The following SRGAP3 variants were observed in gnomAD, a reference collection of about 807,000 sequenced individuals.
SRGAP3 encodes SLIT-ROBO Rho GTPase-activating protein 3.
A neutral mutation model predicts 121.1 loss-of-function variants in SRGAP3; 39 were observed. The observed-to-expected ratio is 0.32, with a 90% CI of 0.25 to 0.42. SRGAP3 has a LOEUF of 0.42. Ranked by LOEUF, SRGAP3 falls within the 10% of genes least tolerant of loss-of-function variation. The pLI is 1.00. For synonymous variants in SRGAP3, 601 were observed against 570.0 expected (o/e 1.05, Z -0.77); for missense variants, 1,213 against 1,470.6 (o/e 0.82, Z 2.86).
intron 1 of SRGAP3, among the ~76,000 whole-genome samples, chr3:9,140,556 T>C (rs2125030503): frequency 6.6e-6 from 1 of 152,338 alleles, no homozygotes; most frequent in East Asian, 1.9e-4. Context: ...AGCAGACTTT[T>C]TCCACAAGGG....
At chr3:9,046,281 A>G (rs911582203) in intron 10 of SRGAP3, among the ~76,000 whole-genome samples, 5 of 152,214 alleles carry the variant, frequency 3.3e-5, no homozygotes, top group Non-Finnish European at 7.3e-5. Context: ...ATCAGAGTAG[A>G]GTGTGGGGTG....
At chr3:9,242,583 C>G (rs543382694) in intron 1 of SRGAP3, among the ~76,000 whole-genome samples, 1 of 152,228 alleles carries the variant, frequency 6.6e-6, no homozygotes, top group Non-Finnish European at 1.5e-5. Context: ...TGCAGTGAGC[C>G]AAGATCGTGC....
At chr3:9,115,045 A>G (rs1183332736) in intron 2 of SRGAP3, among the ~76,000 whole-genome samples, 1 of 152,242 alleles carries the variant, frequency 6.6e-6, no homozygotes, top group Non-Finnish European at 1.5e-5. Context: ...GGTAAGTGGC[A>G]GACTAGCATT....
Position 9,124,775 on chromosome 3 carries a change from C to T in SRGAP3, c.210G>A (p.Leu70=). The change falls in exon 2 of 22, where the codon CTG becomes CTA. Residue 70 remains leucine (L), a synonymous_variant. Coordinates refer to ENST00000383836, the MANE Select transcript of SRGAP3 (RefSeq NM_014850.4). ...ELEYSRSLEK[L]AERFSSKIRS... ...GGATTTTGGAGGAGAAGCGCTCAGCCAGCTTCTCCAGGCTGCGGGAGTACT... is the reference window on the plus strand; with the variant it reads ...GGATTTTGGAGGAGAAGCGCTCAGCTAGCTTCTCCAGGCTGCGGGAGTACT... 6.2e-7 allele frequency: 1 copy of T among 1,614,224 alleles called. No individual in the cohort carries two copies. Among genetic ancestry groups the T allele is most frequent in the Non-Finnish European group, 8.5e-7 (1 of 1,180,060 alleles).
intron 1 of SRGAP3, among the ~76,000 whole-genome samples, chr3:9,186,369 ATCTT>A (rs1269611247): frequency 6.6e-6 from 1 of 152,114 alleles, no homozygotes; most frequent in African/African-American, 2.4e-5. Flanking sequence ...AGTAATATAA[ATCTT>A]TCTTTATTGT....
chr3:9,083,491 C>T (rs1332772081), intron 3 of SRGAP3, among the ~76,000 whole-genome samples: 1 of 152,206 alleles, frequency 6.6e-6, no homozygotes, highest in African/African-American at 2.4e-5. Context: ...ATATCATACA[C>T]ACCTTTGCAT....
intron 1 of SRGAP3, among the ~76,000 whole-genome samples, chr3:9,194,619 T>C (rs984232980): frequency 6.6e-6 from 1 of 152,178 alleles, no homozygotes; most frequent in Non-Finnish European, 1.5e-5. Flanking sequence ...TGAGAGGTCA[T>C]CTGATCCCCT....
intron 18 of SRGAP3, among the ~76,000 whole-genome samples, chr3:9,000,896 C>G (rs2124980213): frequency 6.6e-6 from 1 of 152,324 alleles, no homozygotes; most frequent in Non-Finnish European, 1.5e-5. Context: ...CCACTGGCAT[C>G]TCAGGGAAGG....
chr3:9,240,910 A>C (rs1477956813), intron 1 of SRGAP3, among the ~76,000 whole-genome samples: 10 of 152,116 alleles, frequency 6.6e-5, no homozygotes. Context: ...CGGTGGCATC[A>C]AGTGCAAACT....
chr3:9,106,911 A>AC (rs1424019400), intron 2 of SRGAP3, among the ~76,000 whole-genome samples: 1 of 146,330 alleles, frequency 6.8e-6, no homozygotes, highest in African/African-American at 2.5e-5. Context: ...TGCTGTCCCC[A>AC]CCCCACCCCC....
At chr3:9,255,590 G>A (rs947661454) in intron 3 of SRGAP3, among the ~76,000 whole-genome samples, 10 of 152,172 alleles carry the variant, frequency 6.6e-5, no homozygotes, top group Admixed American at 2.0e-4. Context: ...CTGGAGCCAG[G>A]GGTGTTCTGC....
At chr3:9,131,484 G>T (rs1198840028) in intron 1 of SRGAP3, among the ~76,000 whole-genome samples, 1 of 145,484 alleles carries the variant, frequency 6.9e-6, no homozygotes, top group Non-Finnish European at 1.5e-5. Context: ...TGTCACCCAG[G>T]CTGGAGTGCA....
intron 1 of SRGAP3, among the ~76,000 whole-genome samples, chr3:9,336,888 TTCTC>T (rs752928352): frequency 1.3e-5 from 2 of 151,856 alleles, no homozygotes; most frequent in African/African-American, 2.4e-5. Flanking sequence ...GGCTGCCAAT[TTCTC>T]TCTCTCTCTT....
chr3:9,251,694 G>A (rs1252857054), upstream of SRGAP3, among the ~76,000 whole-genome samples: 1 of 152,190 alleles, frequency 6.6e-6, no homozygotes, highest in Non-Finnish European at 1.5e-5. Context: ...CCTATGTGTA[G>A]GGTGCTGAGC....
At chr3:9,186,067 A>C (rs1426110062) in intron 1 of SRGAP3, among the ~76,000 whole-genome samples, 1 of 152,102 alleles carries the variant, frequency 6.6e-6, no homozygotes, top group East Asian at 1.9e-4. Context: ...TCACCCCTTC[A>C]AACCCACAAA....
intron 1 of SRGAP3, among the ~76,000 whole-genome samples, chr3:9,186,657 T>C (rs373081240): frequency 1.6e-4 from 24 of 152,284 alleles, no homozygotes; most frequent in Admixed American, 1.0e-3. Flanking sequence ...ATGAACCAGC[T>C]TGAGCAGGTC....
intron 1 of SRGAP3, among the ~76,000 whole-genome samples, chr3:9,208,522 T>C (rs1952340518): frequency 6.6e-6 from 1 of 152,190 alleles, no homozygotes; most frequent in African/African-American, 2.4e-5. Context: ...ATGCCTTGTC[T>C]CTCATTACAA....
upstream of SRGAP3, among the ~76,000 whole-genome samples, chr3:9,253,577 C>T (rs1954063295): frequency 1.3e-5 from 2 of 152,136 alleles, no homozygotes; most frequent in Non-Finnish European, 2.9e-5. Flanking sequence ...AACACCTCCC[C>T]CTCGCCGAGA....
chr3:9,229,989 T>C (rs1953138753), intron 1 of SRGAP3, among the ~76,000 whole-genome samples: 1 of 152,168 alleles, frequency 6.6e-6, no homozygotes, highest in Admixed American at 6.5e-5. Flanking sequence ...TTACTGTCCT[T>C]ATTTTACAGA....
Sources: allele counts gnomAD v4.1 joint callset (sites outside exome capture counted in the v4.1 genomes callset), GRCh38; gene constraint gnomAD v4.1.1; transcripts MANE v1.5; gene names NCBI Gene and HGNC (gene_info 2026-07-23, HGNC 2026-07-21).